The following DOCK2 variants were observed in gnomAD, a reference collection of about 807,000 sequenced individuals.
DOCK2 encodes dedicator of cytokinesis 2.
In DOCK2, 87 loss-of-function variants were observed where a neutral mutation model predicts 248.9. That is an observed-to-expected ratio of 0.35 (90% confidence interval 0.29 to 0.42). The LOEUF (loss-of-function observed/expected upper bound fraction) is 0.42. DOCK2 is among the 10% of genes least tolerant of loss of function. The pLI, the probability that DOCK2 is intolerant of heterozygous loss-of-function variation, is 1.00. For synonymous variants in DOCK2, 805 were observed against 821.6 expected (o/e 0.98, Z 0.35); for missense variants, 1,747 against 2,300.2 (o/e 0.76, Z 4.92).
chr5:169,816,944 CAACCTGA>C, intron 26 of DOCK2, among the ~76,000 whole-genome samples: 1 of 152,300 alleles, frequency 6.6e-6, no homozygotes, highest in Non-Finnish European at 1.5e-5. Context: ...TGGTGGTTTA[CAACCTGA>C]ATCTAGCCCA....
intron 27 of DOCK2, among the ~76,000 whole-genome samples, chr5:169,865,421 C>T (rs557355565): frequency 3.0e-4 from 45 of 152,276 alleles, no homozygotes; most frequent in African/African-American, 1.1e-3. Context: ...ACCTCAGGGA[C>T]TCTCAGCCTG....
intron 33 of DOCK2, among the ~76,000 whole-genome samples, chr5:170,021,145 T>A (rs9313480): frequency 0.23 from 35,198 of 151,884 alleles, 5,045 homozygotes; most frequent in African/African-American, 0.41. Context: ...GAAGAGCCTG[T>A]AAAGAAATCT....
At chr5:169,759,029 G>A (rs1394310071) in intron 23 of DOCK2, among the ~76,000 whole-genome samples, 3 of 152,166 alleles carry the variant, frequency 2.0e-5, no homozygotes, top group Admixed American at 2.0e-4. Context: ...AGTCTGCCCT[G>A]CTGCTTAGCA....
intron 43 of DOCK2, chr5:170,057,247 C>T: frequency 2.5e-6 from 1 of 395,334 alleles, no homozygotes; most frequent in South Asian, 2.3e-5. Context: ...TTTTTGGAGC[C>T]ACTGCCTCTT....
chr5:169,901,497 ATTTTTCTGG>A (rs1404659420), intron 27 of DOCK2, among the ~76,000 whole-genome samples: 1 of 151,988 alleles, frequency 6.6e-6, no homozygotes, highest in Non-Finnish European at 1.5e-5. Context: ...TTTTAAAATG[ATTTTTCTGG>A]TTTTTCTGAG....
intron 8 of DOCK2, among the ~76,000 whole-genome samples, chr5:169,688,301 G>A (rs1298473363): frequency 6.6e-6 from 1 of 152,186 alleles, no homozygotes; most frequent in East Asian, 1.9e-4. Context: ...TTTGCCTGAA[G>A]CATTTCCCTT....
chr5:170,036,443 C>T, intron 35 of DOCK2, 72 bp from the exon 36 acceptor site: 2 of 1,488,786 alleles, frequency 1.3e-6, no homozygotes, highest in South Asian at 2.4e-5. Context: ...CTCTCATCTT[C>T]ATCACCACAC....
At chr5:169,989,448 T>A (rs1778154465) in intron 29 of DOCK2, among the ~76,000 whole-genome samples, 1 of 152,236 alleles carries the variant, frequency 6.6e-6, no homozygotes, top group South Asian at 2.1e-4. Flanking sequence ...TTACCCTAAA[T>A]GCAGCCAACC....
At chr5:170,001,607 A>AT (rs1183598800) in intron 30 of DOCK2, among the ~76,000 whole-genome samples, 1 of 151,874 alleles carries the variant, frequency 6.6e-6, no homozygotes, top group Non-Finnish European at 1.5e-5. Flanking sequence ...CAAATCTCAT[A>AT]TTTTTTTTAG....
chr5:170,077,959 GC>G (rs1220745906), intron 48 of DOCK2, 122 bp downstream of exon 48: 2 of 844,598 alleles, frequency 2.4e-6, no homozygotes. Context: ...CAGTTTAAAA[GC>G]CTTTTCCCAT....
At chr5:169,938,401 C>T (rs769655547) in intron 27 of DOCK2, among the ~76,000 whole-genome samples, 3 of 152,178 alleles carry the variant, frequency 2.0e-5, no homozygotes, top group Non-Finnish European at 4.4e-5. Flanking sequence ...AGCCTACCTA[C>T]TACCTAGGCT....
chr5:169,674,794 C>T (rs1158090853), intron 6 of DOCK2, among the ~76,000 whole-genome samples: 1 of 152,150 alleles, frequency 6.6e-6, no homozygotes, highest in Non-Finnish European at 1.5e-5. Context: ...CCCTTAAATC[C>T]CAATGTGAGA....
chr5:169,744,908 C>T (rs1156869907), intron 22 of DOCK2, among the ~76,000 whole-genome samples: 1 of 152,102 alleles, frequency 6.6e-6, no homozygotes, highest in East Asian at 1.9e-4. Flanking sequence ...GAACTCCCCA[C>T]CACACACACA....
intron 27 of DOCK2, among the ~76,000 whole-genome samples, chr5:169,862,631 G>C (rs11134593): frequency 0.35 from 52,521 of 152,076 alleles, 10,425 homozygotes; most frequent in Admixed American, 0.44. Flanking sequence ...TGATTCTGTG[G>C]GCTTAAACAT....
chr5:170,012,133 C>G (rs1198500840), intron 32 of DOCK2, among the ~76,000 whole-genome samples: 1 of 152,154 alleles, frequency 6.6e-6, no homozygotes, highest in Non-Finnish European at 1.5e-5. Context: ...AGAGCCTGTC[C>G]TGTCTCTTGA....
At chr5:169,756,440 G>A (rs1364010824) in intron 23 of DOCK2, among the ~76,000 whole-genome samples, 2 of 152,206 alleles carry the variant, frequency 1.3e-5, no homozygotes, top group African/African-American at 2.4e-5. Flanking sequence ...AATCTGTCCA[G>A]GTGTGGGGTA....
At chr5:169,987,208 C>A (rs546314226) in intron 29 of DOCK2, among the ~76,000 whole-genome samples, 53 of 152,238 alleles carry the variant, frequency 3.5e-4, no homozygotes, top group Middle Eastern at 6.8e-3. Context: ...GTATTTTCAA[C>A]CACAATAGAA....
chr5:169,784,253 A>G (rs1029393193), intron 25 of DOCK2, among the ~76,000 whole-genome samples: 1 of 152,140 alleles, frequency 6.6e-6, no homozygotes, highest in Admixed American at 6.5e-5. Context: ...GCAATCAACA[A>G]CCACACATTT....
chr5:169,699,510 T>C (rs1473752596), intron 12 of DOCK2, 52 bp downstream of exon 12: 3 of 1,545,178 alleles, frequency 1.9e-6, no homozygotes, highest in Admixed American at 1.9e-5. Flanking sequence ...TGGGAGCCCC[T>C]AACTCTTCAG....
Sources: gnomAD v4.1 joint callset for allele counts (sites outside exome capture counted in the v4.1 genomes callset) on GRCh38, gnomAD v4.1.1 for gene constraint, MANE v1.5 for transcripts, NCBI Gene and HGNC (gene_info 2026-07-23, HGNC 2026-07-21) for gene names.